ARL14EP: variants seen among roughly 807,000 people sequenced by gnomAD.
The protein encoded by ARL14EP is ARL14 effector protein.
In ARL14EP, 12 loss-of-function variants were observed where a neutral mutation model predicts 23.1. The ratio of observed to expected loss-of-function variants is 0.52; its 90% CI spans 0.33 to 0.84. The LOEUF is 0.84. Ranked by LOEUF, ARL14EP falls within the 40% of genes least tolerant of loss-of-function variation. The pLI is 0.02. For synonymous variants in ARL14EP, 97 were observed against 102.0 expected (o/e 0.95, Z 0.29); for missense variants, 253 against 307.3 (o/e 0.82, Z 1.32).
intron 1 of ARL14EP, chr11:30,329,634 A>T (rs949259852): frequency 3.3e-5 from 5 of 152,158 alleles, no homozygotes; most frequent in African/African-American, 1.2e-4. Context: ...TTTCAAGCAA[A>T]TGTTTAATAA....
Position 30,337,098 on chromosome 11 carries a change from T to C in ARL14EP, c.*303T>C, listed in dbSNP as rs1947339684. The C allele has an allele frequency of 6.1e-6, 2 of 329,530 alleles. No individual in the cohort carries two copies. Among genetic ancestry groups the C allele is most frequent in the East Asian group, 1.4e-4 (2 of 14,514 alleles). 20.4% of individuals were successfully genotyped at this position (329,530 alleles called of 1,614,324 possible). On this transcript the variant is annotated 3_prime_UTR_variant, in exon 4 of 4. Transcript: ENST00000282032. ...GACCTAGATTTAGTTTAAATACCAGTTTCCTTACCAGGAAGGAAAGAAAAC... is the reference window on the plus strand; with the variant it reads ...GACCTAGATTTAGTTTAAATACCAGCTTCCTTACCAGGAAGGAAAGAAAAC...
intron 1 of ARL14EP, among the ~76,000 whole-genome samples, chr11:30,326,047 A>G (rs1331604687): frequency 6.6e-6 from 1 of 152,186 alleles, no homozygotes; most frequent in Non-Finnish European, 1.5e-5. Flanking sequence ...TCCTTAGTGT[A>G]TCGAATTTAA....
At chr11:30,333,054 ATT>A in intron 3 of ARL14EP, 61 bp downstream of exon 3, 13 of 1,594,050 alleles carry the variant, frequency 8.2e-6, no homozygotes, top group Non-Finnish European at 1.1e-5. Context: ...TTGTTCCCCT[ATT>A]TTTCTCTTAA....
intron 1 of ARL14EP, chr11:30,330,644 T>A: frequency 6.7e-6 from 2 of 299,776 alleles, no homozygotes. Flanking sequence ...TATTTCTTAT[T>A]TCCTCCTTTT....
intron 2 of ARL14EP, chr11:30,331,825 T>C (rs1947287127): frequency 1.0e-6 from 1 of 987,604 alleles, no homozygotes; most frequent in Non-Finnish European, 1.2e-6. Context: ...TTGTTTTTTA[T>C]TTCACTCTTT....
At chr11:30,325,361 G>A (rs144895790) in intron 1 of ARL14EP, among the ~76,000 whole-genome samples, 12 of 152,170 alleles carry the variant, frequency 7.9e-5, no homozygotes, top group African/African-American at 2.9e-4. Flanking sequence ...GAATTTGGAG[G>A]GTCTTTCTTT....
chr11:30,335,082 A>G (rs1947320824), intron 3 of ARL14EP, among the ~76,000 whole-genome samples: 1 of 152,212 alleles, frequency 6.6e-6, no homozygotes, highest in African/African-American at 2.4e-5. Flanking sequence ...CCATTCCAAG[A>G]GTTTGGAAGA....
intron 2 of ARL14EP, chr11:30,331,718 C>T: frequency 1.8e-6 from 2 of 1,093,208 alleles, no homozygotes; most frequent in Non-Finnish European, 2.2e-6. Flanking sequence ...GACATGGCAA[C>T]CACCAAGGGT....
chr11:30,331,235 A>G lies in ARL14EP; in HGVS notation c.287A>G (p.Asp96Gly). The G allele has an allele frequency of 1.9e-6, 3 of 1,614,022 alleles. No individual in the cohort carries two copies. Among genetic ancestry groups the G allele is most frequent in the Non-Finnish European group, 2.5e-6 (3 of 1,179,894 alleles). Residue 96 changes from aspartate to glycine, a missense_variant, in exon 2 of 4, where the codon GAT (aspartate) becomes GGT (glycine). Asp to Gly is a moderately conservative substitution (Grantham distance 94). Transcript: ENST00000282032. Reference protein sequence around the residue: ...AKKNLHVIDLDDATFLSAKFG... With the variant: ...AKKNLHVIDLGDATFLSAKFG... ...AAAAATTTGCATGTAATTGACTTAG[A>G]TGATGCCACTTTTCTGAGTGCTAAA...
Position 30,323,125 on chromosome 11 carries a change from T to C in ARL14EP, c.-141T>C, listed in dbSNP as rs533550229. 6.6e-6 allele frequency: 1 copy of C among 152,644 alleles called. No individual in the cohort carries two copies. The highest frequency in any genetic ancestry group is 1.5e-5 in the Non-Finnish European group (1 of 68,374). The allele number at this position is 152,644 out of a possible 1,614,324, so 9.5% of individuals were successfully genotyped here. On this transcript the variant is annotated 5_prime_UTR_variant, in exon 1 of 4. Transcript: ENST00000282032. ...TCTCAGTGGTAGCGCGGGGACTGGC[T>C]GGGAAGCGGTCGGTCGAGTGTGGCC...
chr11:30,331,796 G>C, intron 2 of ARL14EP: 1 of 1,001,712 alleles, frequency 1.0e-6, no homozygotes, highest in Non-Finnish European at 1.2e-6. Context: ...AGGAACATTA[G>C]AGAGGTGACT....
At chr11:30,329,875 T>C (rs1947268452) in intron 1 of ARL14EP, 2 of 152,050 alleles carry the variant, frequency 1.3e-5, no homozygotes, top group Non-Finnish European at 2.9e-5. Flanking sequence ...TATACAGAAA[T>C]GTGTAAATTT....
chr11:30,325,691 C>T (rs537952790), intron 1 of ARL14EP, among the ~76,000 whole-genome samples: 1 of 151,744 alleles, frequency 6.6e-6, no homozygotes, highest in South Asian at 2.1e-4. Flanking sequence ...TCTTTTCTTG[C>T]GTTAAAAGAT....
chr11:30,336,032 A>T (rs1380504895), intron 3 of ARL14EP, among the ~76,000 whole-genome samples: 1 of 152,162 alleles, frequency 6.6e-6, no homozygotes, highest in African/African-American at 2.4e-5. Flanking sequence ...ATGTTAATAT[A>T]ATCATTCAGA....
intron 1 of ARL14EP, among the ~76,000 whole-genome samples, 154 bp downstream of exon 1, chr11:30,323,356 G>A (rs1051693985): frequency 6.6e-6 from 1 of 152,108 alleles, no homozygotes; most frequent in Non-Finnish European, 1.5e-5. Flanking sequence ...TGCTGGCCGG[G>A]GCCTCTCACC....
Position 30,331,012 on chromosome 11 carries a change from T to C in ARL14EP, c.64T>C (p.Tyr22His). Reference sequence around the variant, plus strand: ...TACAAATGAGTGCCATAAAACCTACTATACTCGTCACACAGGTTTTAAGAC... The same window carrying C: ...TACAAATGAGTGCCATAAAACCTACCATACTCGTCACACAGGTTTTAAGAC... ...RTTNECHKTYYTRHTGFKTLQ... is the reference protein window; with the variant it reads ...RTTNECHKTYHTRHTGFKTLQ... Residue 22 changes from tyrosine to histidine, a missense_variant, in exon 2 of 4, where the codon TAT (tyrosine) becomes CAT (histidine). Tyr to His is a moderately conservative substitution (Grantham distance 83). Coordinates refer to ENST00000282032, the MANE Select transcript of ARL14EP (RefSeq NM_152316.3). 7 of 1,613,912 alleles carry C rather than the reference T, an allele frequency of 4.3e-6. No homozygotes were observed. The highest frequency in any genetic ancestry group is 2.2e-5 in the East Asian group (1 of 44,866).
At chr11:30,331,623 G>A (rs1431421780) in intron 2 of ARL14EP, 2 of 1,346,328 alleles carry the variant, frequency 1.5e-6, no homozygotes, top group Non-Finnish European at 1.9e-6. Flanking sequence ...ACAACTTTTA[G>A]TGCGAAGACT....
chr11:30,333,837 T>C (rs1263053634), intron 3 of ARL14EP, among the ~76,000 whole-genome samples: 1 of 152,148 alleles, frequency 6.6e-6, no homozygotes, highest in Admixed American at 6.5e-5. Context: ...ACAGCCAAGT[T>C]GTGAATGCAA....
Position 30,323,921 on chromosome 11 carries a change from C to G in ARL14EP, c.-64+719C>G, listed in dbSNP as rs537787393. On this transcript the variant is annotated intron_variant, in intron 1 of 3. Coordinates refer to ENST00000282032, the MANE Select transcript of ARL14EP (RefSeq NM_152316.3). ...TACCTGGCATGTCCTGACTACCACA[C>G]TTGAACCAAATCTTTTCAATGGTGT... Among the ~76,000 whole-genome samples, 27 of 152,338 alleles carry G rather than the reference C, an allele frequency of 1.8e-4. No homozygotes were observed. The East Asian group carries it at 5.2e-3, about 29-fold the overall frequency.
Sources: allele counts gnomAD v4.1 joint callset (sites outside exome capture counted in the v4.1 genomes callset), GRCh38; gene constraint gnomAD v4.1.1; transcripts MANE v1.5; gene names NCBI Gene and HGNC (gene_info 2026-07-23, HGNC 2026-07-21).